DNM3: variants seen among roughly 807,000 people sequenced by gnomAD.
DNM3 encodes the protein dynamin 3.
Under a neutral mutation model 101.6 loss-of-function variants are expected in DNM3, and 47 were observed. That is an observed-to-expected ratio of 0.46 (90% confidence interval 0.37 to 0.59). The LOEUF (loss-of-function observed/expected upper bound fraction) is 0.59, where lower values mean the gene tolerates loss of function less well. DNM3 is among the 20% of genes least tolerant of loss of function. The pLI is 0.00. For synonymous variants in DNM3, 385 were observed against 387.9 expected (o/e 0.99, Z 0.09); for missense variants, 849 against 1,085.7 (o/e 0.78, Z 3.06).
intron 14 of DNM3, among the ~76,000 whole-genome samples, chr1:172,185,015 T>A (rs1478389238): frequency 6.6e-6 from 1 of 151,884 alleles, no homozygotes; most frequent in East Asian, 1.9e-4. Flanking sequence ...GTAAAGTGAT[T>A]TGGAAAAAAA....
chr1:172,233,392 T>C (rs865958708), intron 14 of DNM3, among the ~76,000 whole-genome samples: 18 of 152,296 alleles, frequency 1.2e-4, no homozygotes, highest in African/African-American at 4.3e-4. Context: ...ATTGAGGCAA[T>C]AATCAATAGC....
At chr1:172,074,076 T>A (rs1351540733) in intron 11 of DNM3, among the ~76,000 whole-genome samples, 1 of 152,170 alleles carries the variant, frequency 6.6e-6, no homozygotes, top group Non-Finnish European at 1.5e-5. Flanking sequence ...AATCTTCATT[T>A]AATTATCATG....
intron 13 of DNM3, among the ~76,000 whole-genome samples, chr1:172,118,045 C>T (rs1013641522): frequency 3.3e-5 from 5 of 152,206 alleles, no homozygotes; most frequent in African/African-American, 9.6e-5. Flanking sequence ...CAGTTACCCA[C>T]AGCTATGTGC....
intron 2 of DNM3, among the ~76,000 whole-genome samples, chr1:171,969,290 C>T (rs1202538246): frequency 1.1e-4 from 16 of 152,040 alleles, no homozygotes; most frequent in Admixed American, 1.0e-3. Flanking sequence ...GCTAAAGTAC[C>T]CTCTTCACTG....
intron 15 of DNM3, among the ~76,000 whole-genome samples, chr1:172,275,386 T>G (rs2063243393): frequency 6.6e-6 from 1 of 152,078 alleles, no homozygotes; most frequent in African/African-American, 2.4e-5. Flanking sequence ...TAATCTAATT[T>G]TCTTCTACAA....
chr1:172,258,943 T>C (rs2062531968), intron 15 of DNM3, among the ~76,000 whole-genome samples: 1 of 152,054 alleles, frequency 6.6e-6, no homozygotes, highest in South Asian at 2.1e-4. Context: ...TGGTACATTG[T>C]GTTTTGATTT....
rs2149080319 is a variant in DNM3 at position 172,388,461 on chromosome 1, C to T, written c.2286-112C>T. ...TTTGACTTTCATGACATGAATTGGACTTATTCAGTCAAAAAATAATTTTTA... is the reference window on the plus strand; with the variant it reads ...TTTGACTTTCATGACATGAATTGGATTTATTCAGTCAAAAAATAATTTTTA... On this transcript the variant is annotated intron_variant, in intron 19 of 20. Transcript: ENST00000627582. The T allele has an allele frequency of 1.5e-5, 14 of 941,674 alleles. No individual in the cohort carries two copies. The South Asian group carries it at 2.0e-4, about 13-fold the overall frequency. 58.3% of individuals were successfully genotyped at this position (941,674 alleles called of 1,614,324 possible).
intron 1 of DNM3, among the ~76,000 whole-genome samples, chr1:171,844,092 C>T (rs535816062): frequency 1.1e-3 from 162 of 152,230 alleles, no homozygotes; most frequent in African/African-American, 3.6e-3. Flanking sequence ...ATAAAGATTT[C>T]GGTCATTGAA....
chr1:172,151,173 A>C (rs1049122407), intron 14 of DNM3, among the ~76,000 whole-genome samples: 1 of 152,184 alleles, frequency 6.6e-6, no homozygotes, highest in African/African-American at 2.4e-5. Flanking sequence ...TTCTCTTTTT[A>C]AGGTAATATT....
At chr1:172,100,025 C>G (rs1024289947) in intron 13 of DNM3, among the ~76,000 whole-genome samples, 8 of 152,156 alleles carry the variant, frequency 5.3e-5, no homozygotes, top group African/African-American at 1.9e-4. Context: ...GAGAATGTAT[C>G]CAACTGCAAT....
At chr1:172,209,722 T>A (rs956951158) in intron 14 of DNM3, among the ~76,000 whole-genome samples, 3 of 152,074 alleles carry the variant, frequency 2.0e-5, no homozygotes, top group Non-Finnish European at 4.4e-5. Context: ...CAGTGAGCCA[T>A]ACATTACAGG....
chr1:171,974,866 C>CTT (rs202081677), intron 2 of DNM3, among the ~76,000 whole-genome samples: 1 of 149,492 alleles, frequency 6.7e-6, no homozygotes, highest in African/African-American at 2.5e-5. Context: ...TCTTCTTCTA[C>CTT]TGTTTTTTTT....
intron 14 of DNM3, among the ~76,000 whole-genome samples, chr1:172,214,463 GTT>G (rs2060622830): frequency 6.6e-6 from 1 of 151,706 alleles, no homozygotes; most frequent in Non-Finnish European, 1.5e-5. Context: ...AGAAAAAAAA[GTT>G]TGGATACATA....
chr1:172,026,746 C>T (rs960302258), intron 4 of DNM3, among the ~76,000 whole-genome samples: 13 of 151,944 alleles, frequency 8.6e-5, no homozygotes, highest in South Asian at 4.2e-4. Context: ...GCTCCGCCTC[C>T]GGGTTCATGC....
At chr1:172,329,556 A>C (rs1573491858) in intron 17 of DNM3, among the ~76,000 whole-genome samples, 1 of 152,136 alleles carries the variant, frequency 6.6e-6, no homozygotes, top group Non-Finnish European at 1.5e-5. Flanking sequence ...AAAGAAAGAA[A>C]TTCATTAAGT....
chr1:172,008,317 G>A (rs1459751509), intron 4 of DNM3, among the ~76,000 whole-genome samples: 1 of 151,904 alleles, frequency 6.6e-6, no homozygotes, highest in South Asian at 2.1e-4. Context: ...TTTTCTTCGA[G>A]TAGTTTTTTA....
intron 4 of DNM3, among the ~76,000 whole-genome samples, chr1:172,025,153 G>T (rs2048111607): frequency 6.6e-6 from 1 of 152,188 alleles, no homozygotes; most frequent in Admixed American, 6.5e-5. Flanking sequence ...GGAGTAGGTG[G>T]TTTTCCCCTC....
intron 17 of DNM3, among the ~76,000 whole-genome samples, chr1:172,327,292 A>G (rs74546237): frequency 0.038 from 5,795 of 152,206 alleles, 181 homozygotes; most frequent in East Asian, 0.12. Context: ...TATTTTGGTG[A>G]TCCATTGGAT....
rs527599080 is a variant in DNM3, at chr1:172,230,562, T to G, written c.1660-23011T>G. Among the ~76,000 whole-genome samples, 3 of 152,302 alleles carry G rather than the reference T, an allele frequency of 2.0e-5. No individual in the cohort carries two copies. In the South Asian group the frequency reaches 6.2e-4, roughly 32 times the overall value. ...TGAAAATGAGAAAAAATAAATATAGTAACAGTGTTTTAACAAAATTAGAAT... is the reference window on the plus strand; with the variant it reads ...TGAAAATGAGAAAAAATAAATATAGGAACAGTGTTTTAACAAAATTAGAAT... On this transcript the variant is annotated intron_variant, in intron 14 of 20. Transcript: ENST00000627582.
Sources: gnomAD v4.1 joint callset for allele counts (sites outside exome capture counted in the v4.1 genomes callset) on GRCh38, gnomAD v4.1.1 for gene constraint, MANE v1.5 for transcripts, NCBI Gene and HGNC (gene_info 2026-07-23, HGNC 2026-07-21) for gene names.